PRDM1: variants seen among roughly 807,000 people sequenced by gnomAD.
The protein encoded by PRDM1 is PR/SET domain 1, also known as PR domain zinc finger protein 1.
PRDM1 carries 13 observed loss-of-function variants against 62.8 expected under a neutral mutation model. The observed-to-expected ratio is 0.21, with a 90% CI of 0.13 to 0.33. The LOEUF (loss-of-function observed/expected upper bound fraction) is 0.33. Among genes scored for constraint, PRDM1 ranks in the 10% least tolerant of loss-of-function variants. The probability of loss-of-function intolerance (pLI) is 1.00; values close to 1 mark genes in which losing one functional copy is unlikely to be tolerated. For synonymous variants in PRDM1, 396 were observed against 417.6 expected, an observed-to-expected ratio of 0.95 and a Z score of 0.63; for missense variants, 895 against 1,058.8, an observed-to-expected ratio of 0.85 and a Z score of 2.15.
At chr6:106,094,764 G>A (rs1387589543) in intron 2 of PRDM1, among the ~76,000 whole-genome samples, 5 of 151,808 alleles carry the variant, frequency 3.3e-5, no homozygotes, top group African/African-American at 4.8e-5. Flanking sequence ...TTAGCTGGGC[G>A]TGATGGTGCA....
chr6:106,064,643 A>G (rs1233989450), intron 1 of PRDM1, among the ~76,000 whole-genome samples: 1 of 152,174 alleles, frequency 6.6e-6, no homozygotes, highest in Admixed American at 6.5e-5. Context: ...CTGTATAGGC[A>G]TAAGTTGGGT....
chr6:106,086,638 T>A, intron 1 of PRDM1, 43 bp downstream of exon 1: 2 of 1,492,126 alleles, frequency 1.3e-6, no homozygotes, highest in Non-Finnish European at 1.8e-6. Context: ...GAAATTGATC[T>A]GAAAACTTTA....
chr6:106,034,756 C>A (rs139944965), intron 1 of PRDM1, among the ~76,000 whole-genome samples: 3,726 of 151,624 alleles, frequency 0.025, 159 homozygotes, highest in African/African-American at 0.086. Flanking sequence ...CTCAGCCTCC[C>A]AAGTAGCTGA....
rs1430799827 is a variant in PRDM1, at chr6:106,107,372, G to T, written c.2364G>T (p.Gly788=). 6.8e-6 allele frequency: 11 copies of T among 1,613,740 alleles called. No individual in the cohort carries two copies. The highest frequency in any genetic ancestry group is 5.3e-5 in the African/African-American group (4 of 74,804). ...RNMGNGLLSS[G]CSLYESSDLP... is the part of the protein sequence containing the mutation. The stretch of plus-strand genomic sequence containing the variant: ...TGGGGAATGGACTCCTCTCCTCAGG[G>T]TGCAGCCTTTATGAGTCATCAGATC... Residue 788 remains glycine, a synonymous_variant, in exon 7 of 7, where the codon GGG becomes GGT. Coordinates refer to ENST00000369096, the MANE Select transcript of PRDM1 (RefSeq NM_001198.4).
upstream of PRDM1, among the ~76,000 whole-genome samples, chr6:106,081,450 T>TC (rs1345140913): frequency 6.6e-6 from 1 of 152,204 alleles, no homozygotes; most frequent in Non-Finnish European, 1.5e-5. Context: ...TATGTTAAGA[T>TC]CCAGTTACCA....
At chr6:106,049,232 C>T (rs1051835318) in intron 1 of PRDM1, among the ~76,000 whole-genome samples, 2 of 152,198 alleles carry the variant, frequency 1.3e-5, no homozygotes, top group Non-Finnish European at 2.9e-5. Context: ...AAGCAAACTA[C>T]TTGCAGCTCC....
At chr6:106,058,850 T>C (rs1263490146) in intron 1 of PRDM1, among the ~76,000 whole-genome samples, 1 of 152,194 alleles carries the variant, frequency 6.6e-6, no homozygotes, top group Non-Finnish European at 1.5e-5. Context: ...GATTATAAGC[T>C]TGAGCCACTG....
intron 1 of PRDM1, among the ~76,000 whole-genome samples, chr6:106,031,993 G>A (rs953187103): frequency 2.0e-5 from 3 of 151,992 alleles, no homozygotes; most frequent in Non-Finnish European, 2.9e-5. Context: ...TTTTCCTGAG[G>A]CATTTTCTCT....
intron 1 of PRDM1, among the ~76,000 whole-genome samples, chr6:106,021,559 A>G (rs1041324519): frequency 6.6e-6 from 1 of 152,242 alleles, no homozygotes; most frequent in Non-Finnish European, 1.5e-5. Context: ...AATGATGGCA[A>G]TGCAGTTAAT....
chr6:106,003,163 A>G (rs560257208), intron 1 of PRDM1, among the ~76,000 whole-genome samples: 2 of 152,320 alleles, frequency 1.3e-5, no homozygotes, highest in Admixed American at 1.3e-4. Context: ...ATAAGCATGC[A>G]TATTATGAAT....
Position 106,073,142 on chromosome 6 carries a change from T to C in PRDM1, c.-66-15059T>C, listed in dbSNP as rs1020580978. ...TTTTTTGTTTGTTTTTGAGACAGAGTCTCACTCTGTCGCCCAGGCTGGAGT... is the reference window on the plus strand; with the variant it reads ...TTTTTTGTTTGTTTTTGAGACAGAGCCTCACTCTGTCGCCCAGGCTGGAGT... On this transcript the variant is annotated intron_variant, in intron 1 of 6. Transcript: ENST00000651185. 2.0e-5 allele frequency among the ~76,000 whole-genome samples: 3 copies of C among 147,734 alleles called. No homozygotes were observed. The Admixed American group carries it at 2.1e-4, about 10-fold the overall frequency.
At chr6:106,050,433 T>C (rs969489159) in intron 1 of PRDM1, among the ~76,000 whole-genome samples, 1 of 152,220 alleles carries the variant, frequency 6.6e-6, no homozygotes, top group Non-Finnish European at 1.5e-5. Flanking sequence ...CTACAAGAAT[T>C]ATTACACTTA....
chr6:106,047,355 G>T (rs1034983679), upstream of PRDM1, among the ~76,000 whole-genome samples: 1 of 152,186 alleles, frequency 6.6e-6, no homozygotes, highest in East Asian at 1.9e-4. Context: ...TTTGGGTTTT[G>T]CTAGCATAGT....
At chr6:106,061,036 G>C (rs1221291006) in intron 1 of PRDM1, among the ~76,000 whole-genome samples, 1 of 152,188 alleles carries the variant, frequency 6.6e-6, no homozygotes, top group South Asian at 2.1e-4. Flanking sequence ...GAAGCAGTCA[G>C]AGAAGCAAGG....
At chr6:106,054,835 G>T (rs560286056) in intron 1 of PRDM1, among the ~76,000 whole-genome samples, 2 of 152,212 alleles carry the variant, frequency 1.3e-5, no homozygotes, top group African/African-American at 4.8e-5. Context: ...ATATTTCTTT[G>T]ATCTTTATGA....
chr6:106,094,439 G>A (rs1473384574), intron 2 of PRDM1, among the ~76,000 whole-genome samples: 1 of 152,168 alleles, frequency 6.6e-6, no homozygotes, highest in South Asian at 2.1e-4. Flanking sequence ...TTCACGGTTG[G>A]TGATTTTTTT....
At position 106,091,506 on chromosome 6, in the gene PRDM1, G is replaced by A. The variant is rs1015534283; in HGVS notation, c.291+3057G>A. ...TTTAAAAATGGGGTGATTGCCGGGC[G>A]CGGTGGCTCACGCCTGTAATCCCAG... On this transcript the variant is annotated intron_variant, in intron 2 of 6. Coordinates refer to ENST00000369096, the MANE Select transcript of PRDM1 (RefSeq NM_001198.4). Among the ~76,000 whole-genome samples the A allele has an allele frequency of 1.9e-4, 29 of 152,198 alleles. 1 individual carries two copies. Among genetic ancestry groups the A allele is most frequent in the African/African-American group, 6.3e-4 (26 of 41,448 alleles).
At chr6:106,011,301 A>G (rs990151935) in intron 1 of PRDM1, among the ~76,000 whole-genome samples, 3 of 152,218 alleles carry the variant, frequency 2.0e-5, no homozygotes, top group Admixed American at 1.3e-4. Flanking sequence ...GTCTGTGGAA[A>G]GGGCAGTTGA....
chr6:106,102,471 G>T (rs1351344972), intron 4 of PRDM1, among the ~76,000 whole-genome samples: 1 of 152,184 alleles, frequency 6.6e-6, no homozygotes, highest in African/African-American at 2.4e-5. Context: ...TTTTCTGAAG[G>T]CATTAGAGAT....
Sources: allele counts gnomAD v4.1 joint callset (sites outside exome capture counted in the v4.1 genomes callset), GRCh38; gene constraint gnomAD v4.1.1; transcripts MANE v1.5; gene names NCBI Gene and HGNC (gene_info 2026-07-23, HGNC 2026-07-21).